The following DNAJC17 variants were observed in gnomAD, a reference collection of about 807,000 sequenced individuals.
DNAJC17 encodes the protein DnaJ heat shock protein family (Hsp40) member C17, also known as dnaJ homolog subfamily C member 17.
A neutral mutation model predicts 48.1 loss-of-function variants in DNAJC17; 35 were observed. The observed-to-expected ratio is 0.73, with a 90% CI of 0.56 to 0.96. The LOEUF (loss-of-function observed/expected upper bound fraction) is 0.96, where lower values mean the gene tolerates loss of function less well. Ranked by LOEUF, DNAJC17 falls within the 50% of genes least tolerant of loss-of-function variation. DNAJC17 has a pLI of 0.00. For synonymous variants in DNAJC17, 117 were observed against 142.7 expected, an observed-to-expected ratio of 0.82 and a Z score of 1.28; for missense variants, 355 against 377.1, an observed-to-expected ratio of 0.94 and a Z score of 0.48.
intron 1 of DNAJC17, among the ~76,000 whole-genome samples, chr15:40,803,101 CAAAA>C (rs780051630): frequency 4.4e-5 from 2 of 45,572 alleles, no homozygotes. Flanking sequence ...GACCCTGGGT[CAAAA>C]AAAAAAAAAA....
chr15:40,794,253 A>G (rs1240704036), intron 1 of DNAJC17, among the ~76,000 whole-genome samples: 4 of 150,926 alleles, frequency 2.7e-5, no homozygotes, highest in Non-Finnish European at 5.9e-5. Context: ...AGGAGGCTGA[A>G]GCAGGAGATC....
intron 4 of DNAJC17, among the ~76,000 whole-genome samples, chr15:40,777,365 C>T (rs1889358225): frequency 6.7e-6 from 1 of 149,014 alleles, no homozygotes; most frequent in Non-Finnish European, 1.5e-5. Flanking sequence ...ATGCTATATG[C>T]ACATATTAAA....
In DNAJC17 at chr15:40,776,600, T is replaced by C. The variant is rs1188252811; in HGVS notation, c.323A>G (p.Gln108Arg). 5.6e-6 allele frequency: 9 copies of C among 1,613,910 alleles called. No homozygotes were observed. Among genetic ancestry groups the C allele is most frequent in the Non-Finnish European group, 7.6e-6 (9 of 1,180,010 alleles). ...CTCTTCCTCCTCACTCTCCTGGGCC[T>C]GGGCCTGCCGCTCCCGGGCCTCCAG... ...LDLEARERQA[Q>R]AQESEEEEES... The change falls in exon 5 of 11, where the codon CAG becomes CGG. Residue 108 changes from glutamine (Q) to arginine (R), a missense_variant. Around this residue, in one of 3 missense-constraint regions of DNAJC17, gnomAD observed 199 missense variants for 199.9 expected, o/e 1.00. Coordinates refer to ENST00000220496, the MANE Select transcript of DNAJC17 (RefSeq NM_018163.3).
intron 10 of DNAJC17, among the ~76,000 whole-genome samples, chr15:40,768,500 C>T (rs1403828254): frequency 6.6e-6 from 1 of 152,128 alleles, no homozygotes; most frequent in Non-Finnish European, 1.5e-5. Flanking sequence ...GGGCACTGAC[C>T]CTGGCACTCT....
chr15:40,774,306 C>A lies in DNAJC17; in HGVS notation c.681+50G>T, dbSNP rs1466456333. 5 of 1,603,436 alleles carry A rather than the reference C, an allele frequency of 3.1e-6. No homozygotes were observed. The South Asian group carries it at 3.3e-5, about 11-fold the overall frequency. On this transcript the variant is annotated intron_variant, in intron 9 of 10. Coordinates refer to ENST00000220496, the MANE Select transcript of DNAJC17 (RefSeq NM_018163.3). Reference sequence around the variant, plus strand: ...AGGGCCCACAGAATTGGGTCCCTGCCCTAGAATGACAGGGCCACGAGGGGC... The same window carrying A: ...AGGGCCCACAGAATTGGGTCCCTGCACTAGAATGACAGGGCCACGAGGGGC...
At chr15:40,773,662 G>A in intron 10 of DNAJC17, 65 bp downstream of exon 10, 2 of 1,318,812 alleles carry the variant, frequency 1.5e-6, no homozygotes, top group Non-Finnish European at 2.1e-6. Context: ...AAGAGCCTGA[G>A]AGGAGCCCAG....
chr15:40,798,985 T>C (rs1308087249), intron 1 of DNAJC17, among the ~76,000 whole-genome samples: 2 of 151,980 alleles, frequency 1.3e-5, no homozygotes, highest in African/African-American at 4.8e-5. Context: ...TTTGGGAGGC[T>C]GAGGCGGGCG....
chr15:40,770,734 C>G lies in DNAJC17; in HGVS notation c.793-2672G>C. On this transcript the variant is annotated intron_variant, in intron 10 of 10. Coordinates refer to ENST00000220496, the MANE Select transcript of DNAJC17 (RefSeq NM_018163.3). The surrounding 1 kb of genome is among the most constrained non-coding windows in gnomAD (Gnocchi z 5.0). ...CCCCGGGCCACCCTGCTGGCCCCAC[C>G]CAAGCCCCCACGCCTCTACCGAGAG... is the stretch of plus-strand genomic sequence containing the variant. 1 of 1,545,674 alleles carries G rather than the reference C, an allele frequency of 6.5e-7. No individual in the cohort carries two copies. The highest frequency in any genetic ancestry group is 8.7e-7 in the Non-Finnish European group (1 of 1,146,936).
At chr15:40,773,298 A>G (rs1412922554) in intron 10 of DNAJC17, among the ~76,000 whole-genome samples, 2 of 152,090 alleles carry the variant, frequency 1.3e-5, no homozygotes, top group African/African-American at 4.8e-5. Context: ...GCCTCTTGAC[A>G]GTCGGTCCCT....
At chr15:40,806,806 G>A (rs916842956) in intron 1 of DNAJC17, among the ~76,000 whole-genome samples, 2 of 152,184 alleles carry the variant, frequency 1.3e-5, no homozygotes, top group African/African-American at 4.8e-5. Flanking sequence ...CCTGCTTTTA[G>A]CCCACTAACT....
intron 1 of DNAJC17, among the ~76,000 whole-genome samples, chr15:40,791,258 T>A (rs1889794353): frequency 6.6e-6 from 1 of 152,228 alleles, no homozygotes; most frequent in African/African-American, 2.4e-5. Flanking sequence ...CTGGGTGCGG[T>A]GGCTCATGAC....
At position 40,770,975 on chromosome 15, in the gene DNAJC17, A is replaced by C. The variant is rs375299630; in HGVS notation, c.792+2752T>G. 6.4e-7 allele frequency: 1 copy of C among 1,551,246 alleles called. No individual in the cohort carries two copies. ...ACCTGGGGATTTCACTTCTTGAGGA[A>C]GTTCTGCAGATGCTAAGGGAGCAGT... On this transcript the variant is annotated intron_variant, in intron 10 of 10. Coordinates refer to ENST00000220496, the MANE Select transcript of DNAJC17 (RefSeq NM_018163.3). The surrounding 1 kb of genome is among the most constrained non-coding windows in gnomAD (Gnocchi z 5.0).
chr15:40,786,409 A>T (rs1889643299), intron 1 of DNAJC17, among the ~76,000 whole-genome samples: 1 of 152,180 alleles, frequency 6.6e-6, no homozygotes. Context: ...CACGCCTGTA[A>T]TCCCAGCATT....
chr15:40,794,127 G>A (rs765895355), intron 1 of DNAJC17, among the ~76,000 whole-genome samples: 48 of 152,138 alleles, frequency 3.2e-4, no homozygotes, highest in African/African-American at 1.1e-3. Flanking sequence ...CGAGGCGGGC[G>A]GATCACAAGG....
rs770929354 is a variant in DNAJC17, at chr15:40,767,895, T to C, written c.*45A>G. The stretch of plus-strand genomic sequence containing the variant: ...CTTAAAAAAAAAAAAAATTTATTGG[T>C]GACGTTGAAGAAAAGGGCTGAGGGG... On this transcript the variant is annotated 3_prime_UTR_variant, in exon 11 of 11. Transcript: ENST00000220496. 13 of 1,578,134 alleles carry C rather than the reference T, an allele frequency of 8.2e-6. No individual in the cohort carries two copies. The East Asian group carries it at 2.9e-4, about 35-fold the overall frequency.
In DNAJC17 at chr15:40,807,464, T is replaced by C; in HGVS notation, c.-18A>G. 6.2e-7 allele frequency: 1 copy of C among 1,614,144 alleles called. No homozygotes were observed. Among genetic ancestry groups the C allele is most frequent in the South Asian group, 1.1e-5 (1 of 91,086 alleles). The stretch of plus-strand genomic sequence containing the variant: ...ACTGCCATGGTTCCGGCCTGACGGA[T>C]TCGTACTACAACTCCCAAGAGTCTA... On this transcript the variant is annotated 5_prime_UTR_variant, in exon 1 of 11. Coordinates refer to ENST00000220496, the MANE Select transcript of DNAJC17 (RefSeq NM_018163.3).
chr15:40,793,919 T>A (rs1464282065), intron 1 of DNAJC17, among the ~76,000 whole-genome samples: 1 of 152,120 alleles, frequency 6.6e-6, no homozygotes, highest in Non-Finnish European at 1.5e-5. Flanking sequence ...GCAATCTGAC[T>A]CCAAAGTCCA....
At position 40,779,305 on chromosome 15, in the gene DNAJC17, T is replaced by C. The variant is rs1889413707; in HGVS notation, c.213A>G (p.Ala71=). The stretch of plus-strand genomic sequence containing the variant: ...TCTTGGCTTTCCTGACCTTGTCATA[T>C]GCAGCCTGGCAGGAGAAAGGGGCAC... ...EVLTDAAARA[A]YDKVRKAKKQ... Residue 71 remains alanine, a synonymous_variant, in exon 4 of 11, where the codon GCA becomes GCG. Transcript: ENST00000220496. 6.2e-7 allele frequency: 1 copy of C among 1,614,038 alleles called. No homozygotes were observed.
intron 4 of DNAJC17, 25 bp from the exon 5 acceptor site, chr15:40,776,652 GA>G: frequency 6.2e-7 from 1 of 1,612,718 alleles, no homozygotes; most frequent in Non-Finnish European, 8.5e-7. Flanking sequence ...TGAATGACCA[GA>G]CTGCTGGTCT....
Sources: allele counts gnomAD v4.1 joint callset (sites outside exome capture counted in the v4.1 genomes callset), GRCh38; gene constraint gnomAD v4.1.1; regional missense constraint gnomAD v4.1.1; non-coding constraint Gnocchi (gnomAD v3.1); transcripts MANE v1.5; gene names NCBI Gene and HGNC (gene_info 2026-07-23, HGNC 2026-07-21).